Variants in THAP4 observed in about 807,000 individuals in gnomAD.
The protein encoded by THAP4 is THAP domain containing 4, also known as peroxynitrite isomerase THAP4.
A neutral mutation model predicts 48.1 loss-of-function variants in THAP4; 18 were observed. The ratio of observed to expected loss-of-function variants is 0.37; its 90% confidence interval spans 0.26 to 0.56. The LOEUF is 0.56. Ranked by LOEUF, THAP4 falls within the 20% of genes least tolerant of loss-of-function variation. The probability of loss-of-function intolerance (pLI) is 0.78; values close to 1 mark genes in which losing one functional copy is unlikely to be tolerated. For synonymous variants in THAP4, 345 were observed against 324.9 expected, an observed-to-expected ratio of 1.06 and a Z score of -0.66; for missense variants, 656 against 774.9, an observed-to-expected ratio of 0.85 and a Z score of 1.82.
Position 241,633,307 on chromosome 2 carries a change from G to A in THAP4, c.850C>T (p.Pro284Ser). The change falls in exon 2 of 6, where the codon CCT becomes TCT. Residue 284 changes from proline to serine, a missense_variant. Pro to Ser is a moderately conservative substitution (Grantham distance 74, BLOSUM62 -1). This residue lies in a region of THAP4 where 391 missense variants were observed against 412.4 expected (regional missense o/e 0.95). Coordinates refer to ENST00000407315, the MANE Select transcript of THAP4 (RefSeq NM_015963.6). The surrounding 1 kb of genome is among the most constrained non-coding windows in gnomAD (Gnocchi z 7.5). ...LGPDKGLAQS[P>S]PSSSLTATPQ... ...GTCGCGGTAAGTGATGAGCTGGGAGGGCTCTGGGCCAGGCCCTTGTCGGGT... is the reference window on the plus strand; with the variant it reads ...GTCGCGGTAAGTGATGAGCTGGGAGAGCTCTGGGCCAGGCCCTTGTCGGGT... The A allele has an allele frequency of 6.2e-7, 1 of 1,612,388 alleles. No homozygotes were observed. The highest frequency in any genetic ancestry group is 2.2e-5 in the East Asian group (1 of 44,862).
chr2:241,617,463 GT>G, intron 2 of THAP4: 1 of 1,550,786 alleles, frequency 6.4e-7, no homozygotes, highest in Non-Finnish European at 8.7e-7. Context: ...CCTCAAGGTT[GT>G]TTTCTGCCAA....
chr2:241,607,267 G>A (rs1057078864), intron 2 of THAP4, among the ~76,000 whole-genome samples: 3 of 152,060 alleles, frequency 2.0e-5, no homozygotes, highest in Non-Finnish European at 4.4e-5. Flanking sequence ...TCTGCTGGGC[G>A]AACTCAAAGG....
At chr2:241,625,633 T>G (rs1302754367) in intron 2 of THAP4, among the ~76,000 whole-genome samples, 2 of 150,224 alleles carry the variant, frequency 1.3e-5, no homozygotes, top group African/African-American at 2.4e-5. Context: ...CCGTCTCTAC[T>G]AAAAAATACA....
chr2:241,587,127 A>G (rs1298157143), intron 5 of THAP4, among the ~76,000 whole-genome samples: 1 of 152,232 alleles, frequency 6.6e-6, no homozygotes, highest in Non-Finnish European at 1.5e-5. Flanking sequence ...AACACCTAGA[A>G]ACCCGGTAAA....
intron 3 of THAP4, among the ~76,000 whole-genome samples, chr2:241,605,536 C>T (rs2067171275): frequency 6.6e-6 from 1 of 152,118 alleles, no homozygotes; most frequent in African/African-American, 2.4e-5. Flanking sequence ...GCAATTTCTC[C>T]ACCTGTGGGG....
rs1457008643 is a variant in THAP4, at chr2:241,610,536, C to T, written c.1241-4063G>A. On this transcript the variant is annotated intron_variant, in intron 2 of 5. Coordinates refer to ENST00000407315, the MANE Select transcript of THAP4 (RefSeq NM_015963.6). This position sits in a 1 kb window ranked among gnomAD's most constrained non-coding sequence, Gnocchi z 4.2. Reference sequence around the variant, plus strand: ...AGCAGAGGCGGGAGCCTCGCCAGCCCCTCCACAGACCACAGCGACCGCGCC... The same window carrying T: ...AGCAGAGGCGGGAGCCTCGCCAGCCTCTCCACAGACCACAGCGACCGCGCC... 1.3e-5 allele frequency among the ~76,000 whole-genome samples: 2 copies of T among 152,168 alleles called. No homozygotes were observed. The highest frequency in any genetic ancestry group is 2.9e-5 in the Non-Finnish European group (2 of 68,024).
chr2:241,620,207 G>C (rs1475707063), intron 2 of THAP4, among the ~76,000 whole-genome samples: 1 of 90,940 alleles, frequency 1.1e-5, no homozygotes, highest in Non-Finnish European at 2.2e-5. Flanking sequence ...AGGAGTGAGT[G>C]AGGGGTGAGT....
At chr2:241,628,734 TACAAAAAAAAAA>T (rs2067522867) in intron 2 of THAP4, among the ~76,000 whole-genome samples, 2 of 124,838 alleles carry the variant, frequency 1.6e-5, no homozygotes. Flanking sequence ...ACCCCATCTC[TACAAAAAAAAAA>T]ACAAAAAACA....
intron 2 of THAP4, among the ~76,000 whole-genome samples, chr2:241,621,438 A>G (rs1177374533): frequency 2.6e-5 from 4 of 152,202 alleles, no homozygotes; most frequent in Non-Finnish European, 5.9e-5. Flanking sequence ...AACATGGGCA[A>G]TGTAAGAGGA....
At chr2:241,587,997 AAAAAAGT>A (rs1462182054) in intron 5 of THAP4, among the ~76,000 whole-genome samples, 4 of 151,788 alleles carry the variant, frequency 2.6e-5, no homozygotes, top group South Asian at 4.2e-4. Context: ...TTATTGAAAG[AAAAAAGT>A]AAAAAGGAGA....
At chr2:241,609,899 C>T (rs1367567855) in intron 2 of THAP4, among the ~76,000 whole-genome samples, 1 of 152,252 alleles carries the variant, frequency 6.6e-6, no homozygotes, top group Admixed American at 6.5e-5. Flanking sequence ...CTCCTGGGAC[C>T]GGGTGGACCC....
chr2:241,590,453 CTGA>C (rs1368848808), intron 5 of THAP4, among the ~76,000 whole-genome samples: 4 of 146,908 alleles, frequency 2.7e-5, no homozygotes, highest in Admixed American at 1.3e-4. Context: ...AGCTGCTCGG[CTGA>C]TGATAATGGG....
rs191685851 is a variant in THAP4, at chr2:241,624,254, G to C, written c.1240+8663C>G. ...TATAATCCCAGCACTGTGGGAGGCTGAGGCGGGCAGATCACGAGGTCAGGA... is the reference window on the plus strand; with the variant it reads ...TATAATCCCAGCACTGTGGGAGGCTCAGGCGGGCAGATCACGAGGTCAGGA... On this transcript the variant is annotated intron_variant, in intron 2 of 5. Coordinates refer to ENST00000407315, the MANE Select transcript of THAP4 (RefSeq NM_015963.6). Among the ~76,000 whole-genome samples the C allele has an allele frequency of 2.0e-5, 3 of 152,372 alleles. No individual in the cohort carries two copies. The East Asian group carries it at 5.8e-4, about 29-fold the overall frequency.
intron 5 of THAP4, among the ~76,000 whole-genome samples, chr2:241,589,607 T>C (rs1325220675): frequency 6.6e-6 from 1 of 152,130 alleles, no homozygotes; most frequent in African/African-American, 2.4e-5. Context: ...ACAACCTTGC[T>C]GGGGTGTCAA....
At chr2:241,614,755 G>A (rs1311891534) in intron 2 of THAP4, among the ~76,000 whole-genome samples, 1 of 152,102 alleles carries the variant, frequency 6.6e-6, no homozygotes, top group Non-Finnish European at 1.5e-5. Context: ...CGGGTGTGGT[G>A]GTGCATGCCT....
chr2:241,609,640 A>T (rs1308576585), intron 2 of THAP4, among the ~76,000 whole-genome samples: 1 of 152,136 alleles, frequency 6.6e-6, no homozygotes, highest in African/African-American at 2.4e-5. Flanking sequence ...TACAAAAATT[A>T]GCCGGGCGTG....
chr2:241,619,055 A>T (rs1324355790), intron 2 of THAP4, among the ~76,000 whole-genome samples: 3 of 152,198 alleles, frequency 2.0e-5, no homozygotes, highest in African/African-American at 7.2e-5. Context: ...GTCACGGCTC[A>T]GGGACACGGG....
upstream of THAP4, chr2:241,637,230 C>T: frequency 1.0e-6 from 1 of 1,000,888 alleles, no homozygotes; most frequent in Non-Finnish European, 1.2e-6. Context: ...GCCGCGGGTT[C>T]GGGCGTCTTC....
chr2:241,628,624 C>A (rs979597050), intron 2 of THAP4, among the ~76,000 whole-genome samples: 1 of 151,472 alleles, frequency 6.6e-6, no homozygotes, highest in East Asian at 1.9e-4. Flanking sequence ...GGGACTGCCA[C>A]AACAGTCACC....
Sources: gnomAD v4.1 joint callset for allele counts (sites outside exome capture counted in the v4.1 genomes callset) on GRCh38, gnomAD v4.1.1 for gene constraint, gnomAD v4.1.1 regional missense constraint, Gnocchi (gnomAD v3.1) non-coding constraint, MANE v1.5 for transcripts, NCBI Gene and HGNC (gene_info 2026-07-23, HGNC 2026-07-21) for gene names.